The following ASIC2 variants were observed in gnomAD, a reference collection of about 807,000 sequenced individuals.
The protein encoded by ASIC2 is acid sensing ion channel subunit 2, also known as acid-sensing ion channel 2.
A neutral mutation model predicts 57.3 loss-of-function variants in ASIC2; 25 were observed. The observed-to-expected ratio is 0.44, with a 90% CI of 0.32 to 0.61. ASIC2 has a LOEUF of 0.61. Ranked by LOEUF, ASIC2 falls within the 20% of genes least tolerant of loss-of-function variation. ASIC2 has a pLI of 0.06. For missense variants in ASIC2, 641 were observed against 738.1 expected (o/e 0.87, Z 1.52); for synonymous variants, 319 against 307.5 (o/e 1.04, Z -0.39).
intron 1 of ASIC2, among the ~76,000 whole-genome samples, chr17:33,415,847 G>A (rs963218033): frequency 3.9e-5 from 6 of 152,246 alleles, no homozygotes; most frequent in South Asian, 4.1e-4. Context: ...AGAATTGATT[G>A]AAAAACCCAG....
intron 1 of ASIC2, among the ~76,000 whole-genome samples, chr17:33,496,636 T>TC (rs1913943262): frequency 9.1e-6 from 1 of 110,080 alleles, no homozygotes; most frequent in Non-Finnish European, 1.8e-5. Flanking sequence ...TTTTTTTTTT[T>TC]AGATGGGGTC....
intron 3 of ASIC2, among the ~76,000 whole-genome samples, chr17:33,060,272 T>C (rs1430608316): frequency 1.3e-5 from 2 of 152,198 alleles, no homozygotes; most frequent in African/African-American, 4.8e-5. Context: ...CTAGGTTTTC[T>C]TCTAGGGTTT....
intron 1 of ASIC2, among the ~76,000 whole-genome samples, chr17:33,256,443 TTA>T (rs1430814680): frequency 6.6e-6 from 1 of 152,218 alleles, no homozygotes; most frequent in African/African-American, 2.4e-5. Flanking sequence ...ATACTTCCTA[TTA>T]TATTTTTTTT....
At chr17:33,317,834 A>G (rs1451179354) in intron 1 of ASIC2, among the ~76,000 whole-genome samples, 1 of 151,652 alleles carries the variant, frequency 6.6e-6, no homozygotes, top group Non-Finnish European at 1.5e-5. Context: ...AGGAGATGGA[A>G]TTTCAGCTGG....
chr17:33,306,637 C>T (rs1597675305), intron 1 of ASIC2, among the ~76,000 whole-genome samples: 1 of 152,148 alleles, frequency 6.6e-6, no homozygotes, highest in African/African-American at 2.4e-5. Flanking sequence ...CCATTCTCAT[C>T]GCTACTACCT....
intron 1 of ASIC2, among the ~76,000 whole-genome samples, chr17:33,357,055 T>C (rs955683619): frequency 1.8e-4 from 2 of 11,384 alleles, no homozygotes; most frequent in Non-Finnish European, 4.0e-4. Flanking sequence ...CAGCAACCTA[T>C]GCTTTAACAG....
At chr17:33,620,305 A>G (rs1317130958) in intron 1 of ASIC2, among the ~76,000 whole-genome samples, 2 of 152,014 alleles carry the variant, frequency 1.3e-5, no homozygotes, top group African/African-American at 4.8e-5. Context: ...AATACGGCCA[A>G]AAAGCTTACC....
chr17:33,224,097 A>G (rs1016594488), intron 1 of ASIC2, among the ~76,000 whole-genome samples: 1 of 152,210 alleles, frequency 6.6e-6, no homozygotes, highest in Non-Finnish European at 1.5e-5. Flanking sequence ...CGTTGTCTCA[A>G]TATGGAAAAC....
chr17:33,705,413 T>C (rs560531720), intron 1 of ASIC2, among the ~76,000 whole-genome samples: 6 of 152,240 alleles, frequency 3.9e-5, no homozygotes, highest in Non-Finnish European at 7.3e-5. Flanking sequence ...GTAAGAATGT[T>C]ACCTTATTTG....
intron 2 of ASIC2, among the ~76,000 whole-genome samples, chr17:33,110,492 C>T (rs962763624): frequency 1.3e-5 from 2 of 152,160 alleles, no homozygotes; most frequent in Non-Finnish European, 2.9e-5. Context: ...CTCGGGGTGC[C>T]CTGGCGCCTG....
intron 1 of ASIC2, among the ~76,000 whole-genome samples, chr17:33,826,436 C>A (rs1343563947): frequency 3.3e-5 from 5 of 152,208 alleles, no homozygotes; most frequent in Admixed American, 6.5e-5. Flanking sequence ...TGTCCACCAA[C>A]CATATGCGAG....
chr17:33,615,993 C>T (rs1393170985), intron 1 of ASIC2, among the ~76,000 whole-genome samples: 2 of 152,312 alleles, frequency 1.3e-5, no homozygotes, highest in Non-Finnish European at 2.9e-5. Flanking sequence ...TAGCAGTGTA[C>T]ACTGCAACCC....
intron 1 of ASIC2, among the ~76,000 whole-genome samples, chr17:33,741,641 A>G (rs899500999): frequency 6.6e-6 from 1 of 152,194 alleles, no homozygotes; most frequent in African/African-American, 2.4e-5. Context: ...TGGTAGTCAG[A>G]GTTATCCATC....
At position 33,327,671 on chromosome 17, in the gene ASIC2, C is replaced by T. The variant is rs564212640; in HGVS notation, c.556-215604G>A. On this transcript the variant is annotated intron_variant, in intron 1 of 9. Transcript: ENST00000359872. ...TTGTAGAAATATAGGATGCCAAAGTCGTTCATTAGAAAAGACTCCTACTTC... is the reference window on the plus strand; with the variant it reads ...TTGTAGAAATATAGGATGCCAAAGTTGTTCATTAGAAAAGACTCCTACTTC... 5.9e-5 allele frequency among the ~76,000 whole-genome samples: 9 copies of T among 152,188 alleles called. No individual in the cohort carries two copies. The East Asian group carries it at 1.2e-3, about 20-fold the overall frequency.
At chr17:33,087,595 T>TTTTTTTTTA (rs2092139817) in intron 3 of ASIC2, among the ~76,000 whole-genome samples, 1 of 147,760 alleles carries the variant, frequency 6.8e-6, no homozygotes, top group African/African-American at 2.6e-5. Flanking sequence ...TTTTTTTTTT[T>TTTTTTTTTA]GAGACAGGGT....
intron 1 of ASIC2, among the ~76,000 whole-genome samples, chr17:33,371,009 G>T (rs997856792): frequency 2.3e-4 from 35 of 151,886 alleles, no homozygotes; most frequent in Middle Eastern, 3.4e-3. Context: ...TAGGTATAAT[G>T]CTTCTTTATA....
chr17:33,269,908 G>A (rs940955046), intron 1 of ASIC2, among the ~76,000 whole-genome samples: 4 of 152,196 alleles, frequency 2.6e-5, no homozygotes, highest in African/African-American at 9.6e-5. Flanking sequence ...GAATAGTTCC[G>A]TATCTGAGCC....
At chr17:34,059,065 T>C (rs921267545) in intron 1 of ASIC2, among the ~76,000 whole-genome samples, 3 of 152,168 alleles carry the variant, frequency 2.0e-5, no homozygotes, top group Non-Finnish European at 4.4e-5. Flanking sequence ...CACTGTAGAT[T>C]TGAGCTCTGG....
At chr17:33,886,321 G>A (rs1914829031) in intron 1 of ASIC2, among the ~76,000 whole-genome samples, 1 of 152,098 alleles carries the variant, frequency 6.6e-6, no homozygotes, top group African/African-American at 2.4e-5. Flanking sequence ...TTGATGTCAG[G>A]GGGCAGGGAA....
Sources: allele counts gnomAD v4.1 joint callset (sites outside exome capture counted in the v4.1 genomes callset), GRCh38; gene constraint gnomAD v4.1.1; transcripts MANE v1.5; gene names NCBI Gene and HGNC (gene_info 2026-07-23, HGNC 2026-07-21).